DCDC2: variants seen among roughly 807,000 people sequenced by gnomAD.
The protein encoded by DCDC2 is doublecortin domain-containing protein 2.
Under a neutral mutation model 50.2 loss-of-function variants are expected in DCDC2, and 40 were observed. The observed-to-expected ratio is 0.80, with a 90% CI of 0.62 to 1.04. The LOEUF is 1.04. DCDC2 is among the 50% of genes least tolerant of loss of function. The pLI is 0.00. For synonymous variants in DCDC2, 234 were observed against 210.6 expected (o/e 1.11, Z -0.96); for missense variants, 570 against 581.9 (o/e 0.98, Z 0.21).
intron 7 of DCDC2, among the ~76,000 whole-genome samples, chr6:24,247,813 G>T (rs114707196): frequency 0.049 from 7,530 of 152,268 alleles, 237 homozygotes; most frequent in Non-Finnish European, 0.074. Flanking sequence ...GGTGGCTCAC[G>T]CCTTTAATTC....
chr6:24,358,149 A>C, upstream of DCDC2: 3 of 471,790 alleles, frequency 6.4e-6, no homozygotes, highest in African/African-American at 2.0e-5. Flanking sequence ...CACACACACA[A>C]ATATGGTGAA....
At chr6:24,210,054 GTCTGTC>G (rs368777659) in intron 7 of DCDC2, among the ~76,000 whole-genome samples, 6 of 130,428 alleles carry the variant, frequency 4.6e-5, no homozygotes, top group East Asian at 4.4e-4. Context: ...GTGTGTGTGT[GTCTGTC>G]TGTCTGTCTG....
chr6:24,359,223 TTA>T (rs1250980510), upstream of DCDC2, among the ~76,000 whole-genome samples: 6 of 63,216 alleles, frequency 9.5e-5, no homozygotes, highest in Non-Finnish European at 1.3e-4. Context: ...ATTATATATT[TTA>T]TATATTTTAT....
chr6:24,288,948 A>T (rs1763678789), intron 5 of DCDC2, 42 bp from the exon 6 acceptor site: 2 of 1,453,582 alleles, frequency 1.4e-6, no homozygotes, highest in Non-Finnish European at 1.9e-6. Context: ...AATGTTGTTT[A>T]CAAATAATGT....
At chr6:24,306,481 C>T (rs1759474636) in intron 2 of DCDC2, among the ~76,000 whole-genome samples, 1 of 148,822 alleles carries the variant, frequency 6.7e-6, no homozygotes, top group Non-Finnish European at 1.5e-5. Context: ...CATTTCAAAC[C>T]CCTGAGTGGA....
intron 6 of DCDC2, among the ~76,000 whole-genome samples, chr6:24,284,710 T>G (rs1763556388): frequency 6.6e-6 from 1 of 152,102 alleles, no homozygotes; most frequent in South Asian, 2.1e-4. Flanking sequence ...CCAAACTCTT[T>G]GCATGCCTAT....
At chr6:24,291,167 A>C in intron 4 of DCDC2, 89 bp from the exon 5 acceptor site, 1 of 1,303,338 alleles carries the variant, frequency 7.7e-7, no homozygotes, top group Non-Finnish European at 1.1e-6. Flanking sequence ...ATGTCAAAAA[A>C]ATTAAAATTA....
chr6:24,301,144 G>A (rs1759363297), intron 4 of DCDC2, among the ~76,000 whole-genome samples: 1 of 151,964 alleles, frequency 6.6e-6, no homozygotes, highest in African/African-American at 2.4e-5. Context: ...GGCCAAGGCG[G>A]GCGGATCACG....
At chr6:24,281,717 G>A (rs1022394908) in intron 6 of DCDC2, among the ~76,000 whole-genome samples, 4 of 152,056 alleles carry the variant, frequency 2.6e-5, no homozygotes, top group African/African-American at 4.8e-5. Context: ...CATGTGACTT[G>A]TAACTCAAAT....
intron 2 of DCDC2, among the ~76,000 whole-genome samples, chr6:24,314,389 C>T (rs553762476): frequency 2.0e-5 from 3 of 152,158 alleles, no homozygotes; most frequent in Admixed American, 6.5e-5. Flanking sequence ...GGGAGGATTG[C>T]CTGAGCCTAG....
chr6:24,288,339 G>A (rs1438457647), intron 6 of DCDC2, among the ~76,000 whole-genome samples: 3 of 152,156 alleles, frequency 2.0e-5, no homozygotes, highest in Admixed American at 6.5e-5. Context: ...AAATGCTGTC[G>A]TTACTCCCAC....
At chr6:24,359,532 T>TA (rs1398775268), upstream of DCDC2, among the ~76,000 whole-genome samples, 162 of 105,582 alleles carry the variant, frequency 1.5e-3, no homozygotes, top group Non-Finnish European at 2.7e-3. Flanking sequence ...TTTATATATA[T>TA]TTTTTATATA....
intron 6 of DCDC2, 78 bp from the exon 7 acceptor site, chr6:24,278,289 C>CTACT: frequency 7.3e-7 from 1 of 1,367,944 alleles, no homozygotes; most frequent in Non-Finnish European, 1.0e-6. Flanking sequence ...ATGTCATTAA[C>CTACT]TACTGGTAAG....
intron 7 of DCDC2, among the ~76,000 whole-genome samples, chr6:24,218,783 C>T (rs540242997): frequency 9.9e-5 from 15 of 152,176 alleles, no homozygotes; most frequent in South Asian, 4.1e-4. Flanking sequence ...CTACTGCATC[C>T]GGCCTATTTT....
intron 7 of DCDC2, among the ~76,000 whole-genome samples, chr6:24,211,054 T>G (rs1483644159): frequency 6.6e-6 from 1 of 152,202 alleles, no homozygotes; most frequent in Non-Finnish European, 1.5e-5. Flanking sequence ...TCATTCATAG[T>G]GCCCTGGTTT....
chr6:24,185,754 T>C (rs1761190976), intron 8 of DCDC2, among the ~76,000 whole-genome samples: 1 of 149,040 alleles, frequency 6.7e-6, no homozygotes, highest in African/African-American at 2.5e-5. Context: ...ATCTATACCA[T>C]GGTGACAGTC....
At chr6:24,246,668 G>C (rs1235344813) in intron 7 of DCDC2, among the ~76,000 whole-genome samples, 1 of 151,548 alleles carries the variant, frequency 6.6e-6, no homozygotes, top group Non-Finnish European at 1.5e-5. Context: ...TGTATTTTTA[G>C]TAGAGACAGG....
intron 7 of DCDC2, among the ~76,000 whole-genome samples, chr6:24,261,505 C>A (rs1004783438): frequency 5.3e-5 from 8 of 152,068 alleles, no homozygotes; most frequent in African/African-American, 1.9e-4. Flanking sequence ...GTAAAACCCT[C>A]AAGCAACAAA....
the DCDC2 span, among the ~76,000 whole-genome samples, chr6:24,381,860 A>AAG: frequency 1.4e-3 from 197 of 140,300 alleles, no homozygotes; most frequent in African/African-American, 2.6e-3. Flanking sequence ...GGAAGGAAGG[A>AAG]GAAATAAAAG....
Sources: allele counts gnomAD v4.1 joint callset (sites outside exome capture counted in the v4.1 genomes callset), GRCh38; gene constraint gnomAD v4.1.1; transcripts MANE v1.5; gene names NCBI Gene and HGNC (gene_info 2026-07-23, HGNC 2026-07-21).